Variants in HENMT1 observed in about 807,000 individuals in gnomAD.
The protein encoded by HENMT1 is small RNA 2'-O-methyltransferase.
Under a neutral mutation model 31.1 loss-of-function variants are expected in HENMT1, and 27 were observed. That is an observed-to-expected ratio of 0.87 (90% CI 0.64 to 1.20). The LOEUF is 1.20. Ranked by LOEUF, HENMT1 falls within the 50% of genes most tolerant of loss-of-function variation. HENMT1 has a pLI of 0.00. For missense variants in HENMT1, 438 were observed against 469.6 expected, an observed-to-expected ratio of 0.93 and a Z score of 0.62; for synonymous variants, 167 against 172.2, an observed-to-expected ratio of 0.97 and a Z score of 0.24.
chr1:108,651,779 C>A (rs777851195), intron 5 of HENMT1, among the ~76,000 whole-genome samples: 5 of 151,798 alleles, frequency 3.3e-5, no homozygotes, highest in Admixed American at 6.6e-5. Flanking sequence ...GGAAAAAGAA[C>A]AATTATTCAT....
chr1:108,658,137 T>A (rs1300481346), intron 2 of HENMT1, among the ~76,000 whole-genome samples: 5 of 150,052 alleles, frequency 3.3e-5, no homozygotes, highest in African/African-American at 1.3e-4. Flanking sequence ...ATATATATTT[T>A]TTTTTTCCCC....
Position 108,648,984 on chromosome 1 carries a change from G to A in HENMT1, c.764C>T (p.Thr255Ile). 6.3e-7 allele frequency: 1 copy of A among 1,579,150 alleles called. No individual in the cohort carries two copies. Among genetic ancestry groups the A allele is most frequent in the Non-Finnish European group, 8.6e-7 (1 of 1,163,128 alleles). The change falls in exon 8 of 8, where the codon ACC becomes ATC. Residue 255 changes from threonine (T) to isoleucine (I), a missense_variant. Thr to Ile is a moderately conservative substitution (Grantham distance 89, BLOSUM62 -1). Coordinates refer to ENST00000651461, the MANE Select transcript of HENMT1 (RefSeq NM_001102592.2). ...CTGCTGTAAGCTTGGGTATGAGGTG[G>A]TAAAAACCTGAAGGGAAAAAACAAA... ...HDQHVYKAVF[T>I]TSYPSLQQER...
At chr1:108,657,653 A>C in intron 2 of HENMT1, 74 bp from the exon 3 acceptor site, 2 of 1,455,820 alleles carry the variant, frequency 1.4e-6, no homozygotes, top group Non-Finnish European at 1.9e-6. Flanking sequence ...GGGCAAAAAA[A>C]AAAAAACTTT....
chr1:108,648,498 A>C lies in HENMT1; in HGVS notation c.*68T>G, dbSNP rs1657941540. On this transcript the variant is annotated 3_prime_UTR_variant, in exon 8 of 8. Transcript: ENST00000651461. ...ACATTACTTGAATTAGGATTACACA[A>C]AAAAAACTAAATTCTAAGTGAGCAC... The C allele has an allele frequency of 7.2e-6, 10 of 1,384,124 alleles. No individual in the cohort carries two copies. Among genetic ancestry groups the C allele is most frequent in the East Asian group, 2.4e-5 (1 of 41,360 alleles). The allele number at this position is 1,384,124 out of a possible 1,614,324, so 85.7% of individuals were successfully genotyped here. A position where few individuals can be genotyped will look rare whatever the true frequency, so the allele number is the denominator to read the frequency against.
rs759200864 is a variant in HENMT1 at position 108,648,583 on chromosome 1, C to G, written c.1165G>C (p.Glu389Gln). The change falls in exon 8 of 8, where the codon GAA (glutamate) becomes CAA (glutamine). Residue 389 changes from glutamate to glutamine, a missense_variant. Glu to Gln is a conservative substitution (Grantham distance 29, BLOSUM62 2). Transcript: ENST00000651461. ...AACATGGTTCAAAACTCAAACTGTT[C>G]ATCAAAATAATTACGCAGGTCAGCC... is the stretch of plus-strand genomic sequence containing the variant. Reference protein sequence around the residue: ...VVADLRNYFDEQFEF With the variant: ...VVADLRNYFDQQFEF 4.3e-6 allele frequency: 7 copies of G among 1,612,702 alleles called. No individual in the cohort carries two copies. The Admixed American group carries it at 6.7e-5, about 15-fold the overall frequency.
intron 7 of HENMT1, 49 bp downstream of exon 7, chr1:108,650,161 CA>C: frequency 6.4e-7 from 1 of 1,561,396 alleles, no homozygotes; most frequent in Non-Finnish European, 8.8e-7. Context: ...AAAAGTTCAC[CA>C]TCCTAATGTA....
chr1:108,651,058 C>A lies in HENMT1; in HGVS notation c.550G>T (p.Glu184Ter), dbSNP rs1228223751. The part of the protein sequence containing the change: ...VTLRDSDHKF[E>*]WTRMEFQTWA... Reference sequence around the variant, plus strand: ...GTCTGAAACTCCATTCTGGTCCACTCAAATTTATGATCTGAATCTCTTAAG... The same window carrying A: ...GTCTGAAACTCCATTCTGGTCCACTAAAATTTATGATCTGAATCTCTTAAG... The change falls in exon 6 of 8, where the codon GAG becomes TAG. Residue 184 changes from glutamate (E) to a stop codon, truncating the protein, a stop_gained. Coordinates refer to ENST00000651461, the MANE Select transcript of HENMT1 (RefSeq NM_001102592.2). LOFTEE classifies it high-confidence loss of function. 14 of 1,613,908 alleles carry A rather than the reference C, an allele frequency of 8.7e-6. No individual in the cohort carries two copies. In the East Asian group the frequency reaches 3.1e-4, roughly 36 times the overall value.
In HENMT1 at chr1:108,648,793, T is replaced by C. The variant is rs1363897107; in HGVS notation, c.955A>G (p.Thr319Ala). The C allele has an allele frequency of 6.2e-7, 1 of 1,614,180 alleles. No individual in the cohort carries two copies. Among genetic ancestry groups the C allele is most frequent in the Admixed American group, 1.7e-5 (1 of 60,024 alleles). Residue 319 changes from threonine to alanine, a missense_variant, in exon 8 of 8, where the codon ACA (threonine) becomes GCA (alanine). Transcript: ENST00000651461. ...TCTATCTTGGCCTTCTCAACCTCTG[T>C]GAAGACTGGTCCAAAGCATGGGACA... is the stretch of plus-strand genomic sequence containing the variant. ...APVPCFGPVF[T>A]EVEKAKIENS...
Position 108,660,931 on chromosome 1 carries a change from A to G in HENMT1, c.-79+32T>C, listed in dbSNP as rs112634380. ...AGAGCGAGACTCCGTCTCAAAAAAA[A>G]AAAAAGAAAAAGAAAAAGAAACCCT... On this transcript the variant is annotated intron_variant, in intron 1 of 7. Transcript: ENST00000651461. The G allele has an allele frequency of 5.6e-3, 5,485 of 973,902 alleles. 224 individuals are homozygous for G. In the African/African-American group the frequency reaches 0.086, roughly 15 times the overall value. 60.3% of individuals were successfully genotyped at this position (973,902 alleles called of 1,614,324 possible).
At chr1:108,661,153 G>A (rs992279795), upstream of HENMT1, 55 of 252,588 alleles carry the variant, frequency 2.2e-4, no homozygotes, top group Non-Finnish European at 3.1e-4. Context: ...GCCCGCACCC[G>A]CGCCTCGGCC....
At chr1:108,655,760 CTTTT>C in intron 3 of HENMT1, 62 bp from the exon 4 acceptor site, 1 of 1,084,900 alleles carries the variant, frequency 9.2e-7, no homozygotes, top group South Asian at 1.4e-5. Context: ...TGATCAAAAA[CTTTT>C]TTTTGAGGAG....
In HENMT1 at chr1:108,652,004, C is replaced by T. The variant is rs929505129; in HGVS notation, c.399-795G>A. Among the ~76,000 whole-genome samples, 4 of 152,290 alleles carry T rather than the reference C, an allele frequency of 2.6e-5. No homozygotes were observed. The South Asian group carries it at 8.3e-4, about 32-fold the overall frequency. On this transcript the variant is annotated intron_variant, in intron 5 of 7. Transcript: ENST00000651461. ...CCCTGAATCTGATAATGAGGAGACACTCAGATACAGCGACATTCTAGAAAA... is the reference window on the plus strand; with the variant it reads ...CCCTGAATCTGATAATGAGGAGACATTCAGATACAGCGACATTCTAGAAAA...
rs1485459880 is a variant in HENMT1 at position 108,654,852 on chromosome 1, T to G, written c.264-2A>C. ...CCCAGGAAAGGAGCTAACGAATCCC[T>G]GCAAAATAATTATTGAAGAAACTTT... On this transcript the variant is annotated splice_acceptor_variant, in intron 4 of 7. Transcript: ENST00000651461. LOFTEE classifies it high-confidence loss of function. 6.2e-7 allele frequency: 1 copy of G among 1,613,854 alleles called. No individual in the cohort carries two copies.
intron 7 of HENMT1, 31 bp downstream of exon 7, chr1:108,650,180 C>T (rs1309717606): frequency 1.2e-6 from 2 of 1,600,764 alleles, no homozygotes; most frequent in Non-Finnish European, 1.7e-6. Flanking sequence ...GTATCTCTAG[C>T]CCTGATAGCT....
chr1:108,652,439 A>G (rs114574940), intron 5 of HENMT1, among the ~76,000 whole-genome samples: 1,804 of 152,328 alleles, frequency 0.012, 35 homozygotes, highest in African/African-American at 0.041. Flanking sequence ...TCAAATATAA[A>G]TAAGTGGTAA....
intron 5 of HENMT1, among the ~76,000 whole-genome samples, chr1:108,654,152 A>G (rs988391044): frequency 9.2e-5 from 14 of 152,206 alleles, no homozygotes; most frequent in Middle Eastern, 3.4e-3. Flanking sequence ...CCTTTTGCCA[A>G]TGTATGTTCT....
chr1:108,652,950 C>CA (rs1176901585), intron 5 of HENMT1, among the ~76,000 whole-genome samples: 1 of 151,728 alleles, frequency 6.6e-6, no homozygotes, highest in African/African-American at 2.4e-5. Flanking sequence ...TGACTTATTT[C>CA]ACTTAATGCC....
chr1:108,649,394 A>G, intron 7 of HENMT1: 1 of 458,072 alleles, frequency 2.2e-6, no homozygotes, highest in South Asian at 1.5e-5. Flanking sequence ...TGAGGATGGA[A>G]GTTCAAGACC....
rs192966779 is a variant in HENMT1, at chr1:108,649,949, C to G, written c.756+262G>C. The G allele has an allele frequency of 6.1e-3, 3,302 of 537,944 alleles. 28 individuals are homozygous for G. Among genetic ancestry groups the G allele is most frequent in the Non-Finnish European group, 7.1e-3 (2,036 of 287,148 alleles). 33.3% of individuals were successfully genotyped at this position (537,944 alleles called of 1,614,324 possible). ...GATCACAGGTGTGAGCCACTGTACC[C>G]AGCTACTTTGAAGTATTCTAAGACA... On this transcript the variant is annotated intron_variant, in intron 7 of 7. Coordinates refer to ENST00000651461, the MANE Select transcript of HENMT1 (RefSeq NM_001102592.2).
Sources: allele counts gnomAD v4.1 joint callset (sites outside exome capture counted in the v4.1 genomes callset), GRCh38; gene constraint gnomAD v4.1.1; transcripts MANE v1.5; gene names NCBI Gene and HGNC (gene_info 2026-07-23, HGNC 2026-07-21).